Variants in AGAP1 observed in about 807,000 individuals in gnomAD.
The protein encoded by AGAP1 is arf-GAP with GTPase, ANK repeat and PH domain-containing protein 1.
In AGAP1, 29 loss-of-function variants were observed where a neutral mutation model predicts 105.3. The observed-to-expected ratio is 0.28, with a 90% CI of 0.21 to 0.38. AGAP1 has a LOEUF of 0.38. Among genes scored for constraint, AGAP1 ranks in the 10% least tolerant of loss-of-function variants. The pLI is 1.00. For missense variants in AGAP1, 998 were observed against 1,165.1 expected, an observed-to-expected ratio of 0.86 and a Z score of 2.09; for synonymous variants, 509 against 485.9, an observed-to-expected ratio of 1.05 and a Z score of -0.63.
chr2:235,595,896 C>T (rs1945510901), intron 1 of AGAP1, among the ~76,000 whole-genome samples: 1 of 152,220 alleles, frequency 6.6e-6, no homozygotes, highest in Non-Finnish European at 1.5e-5. Flanking sequence ...TAAACTAGGG[C>T]AGCTTCTTAA....
At chr2:236,085,065 A>G (rs1173690102) in intron 16 of AGAP1, among the ~76,000 whole-genome samples, 1 of 150,150 alleles carries the variant, frequency 6.7e-6, no homozygotes, top group Non-Finnish European at 1.5e-5. Flanking sequence ...ATACACAAAA[A>G]ATTAGCCGGG....
chr2:235,682,391 G>C (rs577476119), intron 1 of AGAP1, among the ~76,000 whole-genome samples: 1 of 151,178 alleles, frequency 6.6e-6, no homozygotes. Context: ...TGCCCAGGCT[G>C]GAGTGCAGTG....
intron 16 of AGAP1, among the ~76,000 whole-genome samples, chr2:236,069,311 CATAAA>C: frequency 6.6e-6 from 1 of 151,948 alleles, no homozygotes; most frequent in African/African-American, 2.4e-5. Flanking sequence ...GAATATATAT[CATAAA>C]ATCTTACATT....
rs974379973 is a variant in AGAP1, at chr2:235,889,860, CAG to C, written c.1155+6414_1155+6415del. 6.6e-6 allele frequency among the ~76,000 whole-genome samples: 1 copy of C among 152,090 alleles called. No homozygotes were observed. The highest frequency in any genetic ancestry group is 2.4e-5 in the African/African-American group (1 of 41,406). ...AGGATGTGATAATTTCCCTGGAAAT[CAG>C]AGGGGAAAAGAAGCAAAACATGGAG... On this transcript the variant is annotated intron_variant, in intron 10 of 17. Transcript: ENST00000304032. The surrounding 1 kb of genome is among the most constrained non-coding windows in gnomAD (Gnocchi z 4.6).
At position 235,893,244 on chromosome 2, in the gene AGAP1, T is replaced by A. The variant is rs1189222332; in HGVS notation, c.1155+9795T>A. Among the ~76,000 whole-genome samples, 1 of 150,822 alleles carries A rather than the reference T, an allele frequency of 6.6e-6. No individual in the cohort carries two copies. Among genetic ancestry groups the A allele is most frequent in the Non-Finnish European group, 1.5e-5 (1 of 67,738 alleles). ...TGAAGCACCATGTCTGTAGCGCGGG[T>A]GTGCCATGTCCATCATAAGGAAGCG... On this transcript the variant is annotated intron_variant, in intron 10 of 17. Transcript: ENST00000304032. This position sits in a 1 kb window ranked among gnomAD's most constrained non-coding sequence, Gnocchi z 4.7.
chr2:235,570,105 A>G (rs1328927540), intron 1 of AGAP1, among the ~76,000 whole-genome samples: 1 of 151,802 alleles, frequency 6.6e-6, no homozygotes, highest in African/African-American at 2.4e-5. Flanking sequence ...AATTATTTTC[A>G]TTTTCTTCAC....
chr2:235,589,201 T>TG (rs1945242117), intron 1 of AGAP1, among the ~76,000 whole-genome samples: 3 of 98,950 alleles, frequency 3.0e-5, no homozygotes, highest in South Asian at 3.9e-4. Context: ...TTTGTTTTTT[T>TG]TTTTTTTTTT....
At position 235,867,081 on chromosome 2, in the gene AGAP1, G is replaced by A. The variant is rs953070057; in HGVS notation, c.1051-16264G>A. 3.9e-5 allele frequency among the ~76,000 whole-genome samples: 6 copies of A among 152,218 alleles called. No homozygotes were observed. Among genetic ancestry groups the A allele is most frequent in the Admixed American group, 1.3e-4 (2 of 15,290 alleles). ...GTGACCCTGCAGCTCAGCATGGGAG[G>A]CTAAAGGGGCGCTCACCAGGATGGC... On this transcript the variant is annotated intron_variant, in intron 9 of 17. Transcript: ENST00000304032. This position sits in a 1 kb window ranked among gnomAD's most constrained non-coding sequence, Gnocchi z 5.4.
chr2:236,024,993 G>A (rs376265983), intron 13 of AGAP1, among the ~76,000 whole-genome samples: 23 of 152,196 alleles, frequency 1.5e-4, no homozygotes, highest in Admixed American at 2.6e-4. Flanking sequence ...ACAGTACACC[G>A]TCTGTTACTT....
intron 17 of AGAP1, among the ~76,000 whole-genome samples, chr2:236,122,751 C>T (rs113136644): frequency 3.5e-5 from 5 of 144,290 alleles, no homozygotes; most frequent in Non-Finnish European, 7.4e-5. Context: ...GGCACGATCT[C>T]GGCTCACTGC....
rs569081456 is a variant in AGAP1 at position 235,793,208 on chromosome 2, A to G, written c.674-4551A>G. 1.9e-3 allele frequency among the ~76,000 whole-genome samples: 296 copies of G among 152,258 alleles called. No individual in the cohort carries two copies. The highest frequency in any genetic ancestry group is 3.2e-3 in the Non-Finnish European group (217 of 68,008). On this transcript the variant is annotated intron_variant, in intron 6 of 17. Coordinates refer to ENST00000304032, the MANE Select transcript of AGAP1 (RefSeq NM_001037131.3). The surrounding 1 kb of genome is among the most constrained non-coding windows in gnomAD (Gnocchi z 5.3). ...GCCCAGCCTAGGGATTGCAGAGAGCAGGAGAGGCAGAGTCGAGCAGCATCC... is the reference window on the plus strand; with the variant it reads ...GCCCAGCCTAGGGATTGCAGAGAGCGGGAGAGGCAGAGTCGAGCAGCATCC...
chr2:235,807,127 G>T, intron 8 of AGAP1, 112 bp from the exon 9 acceptor site: 1 of 1,040,142 alleles, frequency 9.6e-7, no homozygotes, highest in Non-Finnish European at 1.4e-6. Context: ...CGCACACATA[G>T]ATCGCGCATG....
intron 16 of AGAP1, among the ~76,000 whole-genome samples, chr2:236,079,227 T>C (rs2058717616): frequency 6.8e-6 from 1 of 147,320 alleles, no homozygotes; most frequent in Non-Finnish European, 1.5e-5. Context: ...CTTGATACTG[T>C]GACCCATGCT....
In AGAP1 at chr2:235,552,176, G is replaced by A. The variant is rs1353723722; in HGVS notation, c.163+57327G>A. On this transcript the variant is annotated intron_variant, in intron 1 of 17. Transcript: ENST00000304032. This position sits in a 1 kb window ranked among gnomAD's most constrained non-coding sequence, Gnocchi z 5.9. ...TTGTGTGCTTGGTGTTCATTGCCCC[G>A]TAACTCTGGCCGCGGTAGTCTGGAC... 1.3e-5 allele frequency among the ~76,000 whole-genome samples: 2 copies of A among 152,128 alleles called. No homozygotes were observed. Among genetic ancestry groups the A allele is most frequent in the Non-Finnish European group, 2.9e-5 (2 of 68,024 alleles).
At chr2:235,848,354 A>G (rs577967653) in intron 9 of AGAP1, among the ~76,000 whole-genome samples, 2 of 152,370 alleles carry the variant, frequency 1.3e-5, no homozygotes, top group South Asian at 2.1e-4. Context: ...TACCTGGGAT[A>G]GAGTCCATGC....
intron 6 of AGAP1, among the ~76,000 whole-genome samples, chr2:235,762,669 A>G (rs903081125): frequency 6.6e-6 from 1 of 152,140 alleles, no homozygotes; most frequent in Non-Finnish European, 1.5e-5. Context: ...GGAGTTCAAG[A>G]CCAGACCGGC....
chr2:235,732,699 T>C lies in AGAP1; in HGVS notation c.311-8264T>C, dbSNP rs535291977. 6.6e-6 allele frequency among the ~76,000 whole-genome samples: 1 copy of C among 152,230 alleles called. No individual in the cohort carries two copies. The highest frequency in any genetic ancestry group is 1.9e-4 in the East Asian group (1 of 5,166). On this transcript the variant is annotated intron_variant, in intron 3 of 17. Transcript: ENST00000304032. The surrounding 1 kb of genome is among the most constrained non-coding windows in gnomAD (Gnocchi z 4.8). ...TGGCTTGGACCTCTCTTCCCAGACA[T>C]TGTCTTTCCCTGAGACCGATGCTGA...
intron 16 of AGAP1, among the ~76,000 whole-genome samples, chr2:236,069,647 C>T (rs974686277): frequency 6.6e-6 from 1 of 151,572 alleles, no homozygotes; most frequent in Admixed American, 6.5e-5. Context: ...TGGTCTTGAA[C>T]GCCTGACCTC....
In AGAP1 at chr2:235,732,153, C is replaced by T. The variant is rs75701957; in HGVS notation, c.311-8810C>T. The stretch of plus-strand genomic sequence containing the variant: ...GGAACATTCCTTTGTCTTTTATCTT[C>T]GAATAGTCTTTGAGTTCTTTTGTTG... On this transcript the variant is annotated intron_variant, in intron 3 of 17. Transcript: ENST00000304032. This position sits in a 1 kb window ranked among gnomAD's most constrained non-coding sequence, Gnocchi z 4.8. Among the ~76,000 whole-genome samples the T allele has an allele frequency of 6.1e-3, 929 of 152,248 alleles. 8 individuals carry two copies. Among genetic ancestry groups the T allele is most frequent in the African/African-American group, 0.02 (840 of 41,546 alleles).
Sources: gnomAD v4.1 joint callset for allele counts (sites outside exome capture counted in the v4.1 genomes callset) on GRCh38, gnomAD v4.1.1 for gene constraint, Gnocchi (gnomAD v3.1) non-coding constraint, MANE v1.5 for transcripts, NCBI Gene and HGNC (gene_info 2026-07-23, HGNC 2026-07-21) for gene names.